The following BTRC variants were observed in gnomAD, a reference collection of about 807,000 sequenced individuals.
BTRC encodes the protein F-box/WD repeat-containing protein 1A.
Under a neutral mutation model 85.5 loss-of-function variants are expected in BTRC, and 42 were observed. That is an observed-to-expected ratio of 0.49 (90% CI 0.38 to 0.64). The LOEUF (loss-of-function observed/expected upper bound fraction) is 0.64, where lower values mean the gene tolerates loss of function less well. Ranked by LOEUF, BTRC falls within the 30% of genes least tolerant of loss-of-function variation. The pLI, the probability that BTRC is intolerant of heterozygous loss-of-function variation, is 0.00. For missense variants in BTRC, 594 were observed against 743.5 expected, an observed-to-expected ratio of 0.80 and a Z score of 2.34; for synonymous variants, 255 against 263.3, an observed-to-expected ratio of 0.97 and a Z score of 0.30.
Position 101,360,126 on chromosome 10 carries a change from C to T in BTRC, c.48+5898C>T, listed in dbSNP as rs577931325. Among the ~76,000 whole-genome samples, 382 of 152,114 alleles carry T rather than the reference C, an allele frequency of 2.5e-3. 3 individuals carry two copies. Among genetic ancestry groups the T allele is most frequent in the African/African-American group, 8.6e-3 (355 of 41,476 alleles). ...CTGGAGTACAGTGGTGCAACCTTGG[C>T]TCACTGCAGCCCCTACCTCCTGGGT... On this transcript the variant is annotated intron_variant, in intron 1 of 14. Coordinates refer to ENST00000370187, the MANE Select transcript of BTRC (RefSeq NM_033637.4).
Position 101,500,071 on chromosome 10 carries a change from A to G in BTRC, c.324+20614A>G, listed in dbSNP as rs1037502871. Among the ~76,000 whole-genome samples, 8 of 151,202 alleles carry G rather than the reference A, an allele frequency of 5.3e-5. No homozygotes were observed. In the East Asian group the frequency reaches 1.4e-3, roughly 26 times the overall value. ...ATGGGTTTTTTATATCTAGTTGCAGACTTTTCTTGTGGCCCTACTGTGGTT... is the reference window on the plus strand; with the variant it reads ...ATGGGTTTTTTATATCTAGTTGCAGGCTTTTCTTGTGGCCCTACTGTGGTT... On this transcript the variant is annotated intron_variant, in intron 4 of 14. Coordinates refer to ENST00000370187, the MANE Select transcript of BTRC (RefSeq NM_033637.4).
chr10:101,471,516 T>C (rs1589513579), intron 3 of BTRC, among the ~76,000 whole-genome samples: 1 of 152,222 alleles, frequency 6.6e-6, no homozygotes, highest in Admixed American at 6.5e-5. Context: ...GTCTGTTTCA[T>C]GTGAGGTACT....
chr10:101,451,407 GA>G (rs1944952102), intron 2 of BTRC, among the ~76,000 whole-genome samples: 1 of 152,046 alleles, frequency 6.6e-6, no homozygotes, highest in Non-Finnish European at 1.5e-5. Flanking sequence ...ACCTAAATTA[GA>G]TACATCAGCC....
At chr10:101,476,907 C>T (rs1366916073) in intron 3 of BTRC, among the ~76,000 whole-genome samples, 1 of 152,140 alleles carries the variant, frequency 6.6e-6, no homozygotes, top group Non-Finnish European at 1.5e-5. Context: ...GGATCAGCAG[C>T]ACTAACGTCA....
At chr10:101,529,292 G>A (rs1421350111) in intron 6 of BTRC, among the ~76,000 whole-genome samples, 1 of 152,184 alleles carries the variant, frequency 6.6e-6, no homozygotes, top group Non-Finnish European at 1.5e-5. Context: ...ACTTTACCAA[G>A]ACATGGTAAA....
At chr10:101,518,977 G>T (rs1272956572) in intron 4 of BTRC, among the ~76,000 whole-genome samples, 7 of 151,860 alleles carry the variant, frequency 4.6e-5, no homozygotes, top group African/African-American at 1.7e-4. Flanking sequence ...TAGTGGCTGG[G>T]TTCTCTGCTG....
chr10:101,509,788 C>G (rs1463028593), intron 4 of BTRC, among the ~76,000 whole-genome samples: 1 of 149,694 alleles, frequency 6.7e-6, no homozygotes, highest in Non-Finnish European at 1.5e-5. Context: ...TCTCAGACTC[C>G]TGGGTTCAAG....
chr10:101,539,969 T>A (rs989319511), intron 13 of BTRC, among the ~76,000 whole-genome samples: 1 of 152,222 alleles, frequency 6.6e-6, no homozygotes, highest in Non-Finnish European at 1.5e-5. Context: ...TCTTTTCCCA[T>A]TTTTTAATTG....
chr10:101,461,731 A>C (rs1455963529), intron 2 of BTRC, among the ~76,000 whole-genome samples: 1 of 152,180 alleles, frequency 6.6e-6, no homozygotes, highest in African/African-American at 2.4e-5. Flanking sequence ...AATGAATATG[A>C]TCTCCTACAC....
intron 4 of BTRC, among the ~76,000 whole-genome samples, chr10:101,482,077 T>C (rs1945848868): frequency 1.3e-5 from 2 of 152,164 alleles, no homozygotes; most frequent in Admixed American, 1.3e-4. Flanking sequence ...TGGAGTGCGG[T>C]GGTGCCATCT....
chr10:101,362,675 G>A (rs940827705), intron 1 of BTRC, among the ~76,000 whole-genome samples: 6 of 152,156 alleles, frequency 3.9e-5, no homozygotes, highest in African/African-American at 1.4e-4. Flanking sequence ...GATTACAGGT[G>A]TGAGCCACCA....
At chr10:101,386,279 G>T (rs1354054480) in intron 1 of BTRC, among the ~76,000 whole-genome samples, 1 of 152,198 alleles carries the variant, frequency 6.6e-6, no homozygotes, top group Non-Finnish European at 1.5e-5. Context: ...GTTTACTCTA[G>T]TAAGTACACT....
At position 101,366,851 on chromosome 10, in the gene BTRC, A is replaced by AATATATATTT. The variant is rs1491517738; in HGVS notation, c.48+12630_48+12639dup. 7.8e-5 allele frequency among the ~76,000 whole-genome samples: 2 copies of AATATATATTT among 25,620 alleles called. 1 individual carries two copies. Among genetic ancestry groups the AATATATATTT allele is most frequent in the African/African-American group, 3.9e-4 (2 of 5,194 alleles). 16.8% of individuals were successfully genotyped at this position (25,620 alleles called of 152,430 possible). On this transcript the variant is annotated intron_variant, in intron 1 of 14. Transcript: ENST00000370187. ...ATATTTATATATATTTATGTATATT[A>AATATATATTT]ATATATATTTATATATTAATATATA...
At chr10:101,441,655 G>A (rs1027677928) in intron 2 of BTRC, among the ~76,000 whole-genome samples, 21 of 152,204 alleles carry the variant, frequency 1.4e-4, no homozygotes, top group Admixed American at 7.2e-4. Flanking sequence ...TGAGGCGGGC[G>A]GATTGCCTGA....
chr10:101,489,389 AAG>A (rs753755830), intron 4 of BTRC, among the ~76,000 whole-genome samples: 12 of 152,120 alleles, frequency 7.9e-5, no homozygotes, highest in Non-Finnish European at 8.8e-5. Flanking sequence ...CTTAATCTGA[AAG>A]AGAGATTTTT....
rs1194237945 is a variant in BTRC at position 101,522,014 on chromosome 10, C to CTT, written c.556+179_556+180dup. 118 of 67,890 alleles carry CTT rather than the reference C, an allele frequency of 1.7e-3. 32 individuals are homozygous for CTT. The highest frequency in any genetic ancestry group is 5.0e-3 in the African/African-American group (34 of 6,834). The allele number at this position is 67,890 out of a possible 1,614,324, so 4.2% of individuals were successfully genotyped here. A position where few individuals can be genotyped will look rare whatever the true frequency, so the allele number is the denominator to read the frequency against. ...TTAACTGTACCTTTTTGATATAAAG[C>CTT]TTTTTTTTTTTTTTTTTTTTTTTTT... On this transcript the variant is annotated intron_variant, in intron 5 of 14. Transcript: ENST00000370187.
chr10:101,354,329 T>C (rs1169836165), intron 1 of BTRC, 101 bp downstream of exon 1: 2 of 1,324,360 alleles, frequency 1.5e-6, no homozygotes, highest in Non-Finnish European at 2.0e-6. Context: ...AGCGGGACCC[T>C]GGGCCGAGGC....
In BTRC at chr10:101,526,205, C is replaced by G; in HGVS notation, c.743+6C>G. 2 of 1,612,280 alleles carry G rather than the reference C, an allele frequency of 1.2e-6. No homozygotes were observed. The highest frequency in any genetic ancestry group is 2.2e-5 in the East Asian group (1 of 44,840). On this transcript the variant is annotated splice_donor_region_variant and intron_variant, in intron 6 of 14. Transcript: ENST00000370187. ...CTGGCAGAACGAAGAGGATGGTGAG[C>G]CTTTAACTTTTCTTACTCTTATACG...
chr10:101,395,758 T>C (rs2133990282), intron 1 of BTRC, among the ~76,000 whole-genome samples: 1 of 152,284 alleles, frequency 6.6e-6, no homozygotes, highest in Non-Finnish European at 1.5e-5. Flanking sequence ...AATTAAAATG[T>C]ATCTTGTTAC....
Sources: gnomAD v4.1 joint callset for allele counts (sites outside exome capture counted in the v4.1 genomes callset) on GRCh38, gnomAD v4.1.1 for gene constraint, MANE v1.5 for transcripts, NCBI Gene and HGNC (gene_info 2026-07-23, HGNC 2026-07-21) for gene names.